The following DRC1 variants were observed in gnomAD, a reference collection of about 807,000 sequenced individuals.
The protein encoded by DRC1 is dynein regulatory complex subunit 1.
Under a neutral mutation model 98.7 loss-of-function variants are expected in DRC1, and 74 were observed. The observed-to-expected ratio is 0.75, with a 90% CI of 0.62 to 0.91. The LOEUF (loss-of-function observed/expected upper bound fraction) is 0.91. Among genes scored for constraint, DRC1 ranks in the 40% least tolerant of loss-of-function variants. The pLI is 0.00. For synonymous variants in DRC1, 336 were observed against 334.1 expected (o/e 1.01, Z -0.06); for missense variants, 875 against 886.0 (o/e 0.99, Z 0.16).
chr2:26,421,578 G>A (rs978558648), intron 3 of DRC1, among the ~76,000 whole-genome samples, 178 bp downstream of exon 3: 1 of 31,384 alleles, frequency 3.2e-5, no homozygotes, highest in African/African-American at 1.0e-4. Context: ...TTTTTTTTTT[G>A]AGACAGAGTT....
chr2:26,430,525 C>T (rs1451505661), intron 5 of DRC1: 4 of 559,384 alleles, frequency 7.2e-6, no homozygotes, highest in Non-Finnish European at 1.4e-5. Context: ...CTCCAGTTCC[C>T]TGCCTCTGAT....
intron 7 of DRC1, among the ~76,000 whole-genome samples, chr2:26,439,709 T>C (rs1368363479): frequency 9.9e-5 from 15 of 151,782 alleles, no homozygotes; most frequent in African/African-American, 3.6e-4. Flanking sequence ...GCAGAGTTAT[T>C]TGGACTTGAA....
At chr2:26,408,543 G>T (rs912449335) in intron 1 of DRC1, among the ~76,000 whole-genome samples, 1 of 152,146 alleles carries the variant, frequency 6.6e-6, no homozygotes, top group African/African-American at 2.4e-5. Context: ...GAGGCCAAGA[G>T]GGGTGGATAA....
chr2:26,448,895 G>C, intron 11 of DRC1, 92 bp downstream of exon 11: 1 of 1,328,044 alleles, frequency 7.5e-7, no homozygotes, highest in Non-Finnish European at 1.1e-6. Context: ...GGAGTCAGGA[G>C]TGGGCCAGTC....
At position 26,444,225 on chromosome 2, in the gene DRC1, G is replaced by A. The variant is rs771844801; in HGVS notation, c.1032G>A (p.Leu344=). The A allele has an allele frequency of 1.2e-5, 19 of 1,613,914 alleles. No individual in the cohort carries two copies. The highest frequency in any genetic ancestry group is 1.4e-5 in the Non-Finnish European group (17 of 1,180,052). Residue 344 remains leucine, a synonymous_variant, in exon 9 of 17, where the codon CTG becomes CTA. Coordinates refer to ENST00000288710, the MANE Select transcript of DRC1 (RefSeq NM_145038.5). ...KSQQKRKINR[L]HDILNNLRSK... ...AACCTTTTTCTCCTTCAACCAGCCTGCATGATATACTTAACAATCTGAGAT... is the reference window on the plus strand; with the variant it reads ...AACCTTTTTCTCCTTCAACCAGCCTACATGATATACTTAACAATCTGAGAT...
At chr2:26,416,332 G>T (rs900334837) in intron 2 of DRC1, among the ~76,000 whole-genome samples, 1 of 151,956 alleles carries the variant, frequency 6.6e-6, no homozygotes, top group Non-Finnish European at 1.5e-5. Context: ...GTAGAGACAG[G>T]GTTTTCCCCA....
At chr2:26,448,487 T>G in intron 10 of DRC1, 1 of 696,608 alleles carries the variant, frequency 1.4e-6, no homozygotes, top group Non-Finnish European at 2.7e-6. Flanking sequence ...GTTCTCCAGG[T>G]AGTCTCTGAT....
chr2:26,428,064 GA>G (rs1663331952), intron 4 of DRC1, among the ~76,000 whole-genome samples: 1 of 152,180 alleles, frequency 6.6e-6, no homozygotes, highest in African/African-American at 2.4e-5. Context: ...CAACTTTGCT[GA>G]ATTTAAGTTC....
chr2:26,437,292 G>C (rs1365281941), intron 7 of DRC1, among the ~76,000 whole-genome samples: 1 of 152,240 alleles, frequency 6.6e-6, no homozygotes, highest in African/African-American at 2.4e-5. Flanking sequence ...AAATGAGGCT[G>C]TGCTGTTGTT....
chr2:26,431,862 C>T (rs1258491187), intron 6 of DRC1, 22 bp from the exon 7 acceptor site: 2 of 1,612,786 alleles, frequency 1.2e-6, no homozygotes, highest in East Asian at 2.2e-5. Flanking sequence ...CTAACTTTTC[C>T]CTTGTCTTCC....
At chr2:26,406,813 C>CTTTTTTTT (rs5830010) in intron 1 of DRC1, among the ~76,000 whole-genome samples, 5 of 101,616 alleles carry the variant, frequency 4.9e-5, no homozygotes, top group Non-Finnish European at 7.4e-5. Flanking sequence ...TGTCACTTTC[C>CTTTTTTTT]TTTTTTTTTT....
rs117432544 is a variant in DRC1 at position 26,456,226 on chromosome 2, G to A, written c.2167-235G>A. Among the ~76,000 whole-genome samples the A allele has an allele frequency of 3.0e-4, 46 of 152,304 alleles. No individual in the cohort carries two copies. In the East Asian group the frequency reaches 8.1e-3, roughly 27 times the overall value. ...GAGGGGAAGACTGCAGAGAATGGAC[G>A]GGCGGGAGATGAAGAACGCTACCAG... On this transcript the variant is annotated intron_variant, in intron 16 of 16. Transcript: ENST00000288710.
chr2:26,419,663 G>A (rs540666562), intron 2 of DRC1, among the ~76,000 whole-genome samples: 1 of 152,270 alleles, frequency 6.6e-6, no homozygotes, highest in South Asian at 2.1e-4. Context: ...ACTCCTTGGT[G>A]TAGAAGTTTT....
intron 1 of DRC1, among the ~76,000 whole-genome samples, chr2:26,412,804 G>GTC (rs1363240834): frequency 6.6e-6 from 1 of 152,090 alleles, no homozygotes; most frequent in African/African-American, 2.4e-5. Context: ...TTCAGACAGA[G>GTC]TCTCGCTCTC....
In DRC1 at chr2:26,444,291, C is replaced by T; in HGVS notation, c.1098C>T (p.Asn366=). ...AKQIKQFQEE[N]QSLTSDYKRL... ...AAATAAAGCAGTTTCAGGAGGAGAACCAGTCTCTAACCTCGGACTACAAAC... is the reference window on the plus strand; with the variant it reads ...AAATAAAGCAGTTTCAGGAGGAGAATCAGTCTCTAACCTCGGACTACAAAC... The change falls in exon 9 of 17, where the codon AAC becomes AAT. Residue 366 remains asparagine (N), a synonymous_variant. Transcript: ENST00000288710. The T allele has an allele frequency of 1.9e-6, 3 of 1,614,182 alleles. No homozygotes were observed. The highest frequency in any genetic ancestry group is 2.5e-6 in the Non-Finnish European group (3 of 1,180,044).
chr2:26,424,369 A>T lies in DRC1; in HGVS notation c.455A>T (p.Glu152Val). ...EEGKQKRIPQ[E>V]LWEMLNTQQL... ...GGCAAGCAGAAGAGAATTCCCCAAG[A>T]GCTGTGGGAAATGCTCAATACCCAA... Residue 152 changes from glutamate to valine, a missense_variant, in exon 4 of 17, where the codon GAG becomes GTG. Coordinates refer to ENST00000288710, the MANE Select transcript of DRC1 (RefSeq NM_145038.5). 1 of 1,613,824 alleles carries T rather than the reference A, an allele frequency of 6.2e-7. No homozygotes were observed. The highest frequency in any genetic ancestry group is 8.5e-7 in the Non-Finnish European group (1 of 1,179,958).
In DRC1 at chr2:26,454,803, G is replaced by A; in HGVS notation, c.2063+13G>A. The A allele has an allele frequency of 1.2e-6, 2 of 1,614,024 alleles. No individual in the cohort carries two copies. The highest frequency in any genetic ancestry group is 1.7e-6 in the Non-Finnish European group (2 of 1,179,956). On this transcript the variant is annotated intron_variant, in intron 15 of 16. Coordinates refer to ENST00000288710, the MANE Select transcript of DRC1 (RefSeq NM_145038.5). This position sits in a 1 kb window ranked among gnomAD's most constrained non-coding sequence, Gnocchi z 5.2. The stretch of plus-strand genomic sequence containing the variant: ...TGGAGAAGTACCAGTAAGTGTGCAT[G>A]TCATGGAGCAGGAGGGTGCTGGCGG...
Position 26,431,866 on chromosome 2 carries a change from G to T in DRC1, c.766-18G>T. The T allele has an allele frequency of 6.2e-7, 1 of 1,613,044 alleles. No homozygotes were observed. The highest frequency in any genetic ancestry group is 1.1e-5 in the South Asian group (1 of 91,038). ...AAGGATGGTCCCTAACTTTTCCCTT[G>T]TCTTCCTGTGCCTTTAGCTGGAGTA... On this transcript the variant is annotated intron_variant, in intron 6 of 16. Coordinates refer to ENST00000288710, the MANE Select transcript of DRC1 (RefSeq NM_145038.5).
chr2:26,418,662 TTATATAAATTA>T lies in DRC1; in HGVS notation c.244-2625_244-2615del, dbSNP rs1558438251. On this transcript the variant is annotated intron_variant, in intron 2 of 16. Coordinates refer to ENST00000288710, the MANE Select transcript of DRC1 (RefSeq NM_145038.5). ...ATTTATATAATATATAAATTATATA[TTATATAAATTA>T]AATATAATTTATATTATATATAAAT... Among the ~76,000 whole-genome samples the T allele has an allele frequency of 3.6e-4, 32 of 89,848 alleles. 1 individual carries two copies. Among genetic ancestry groups the T allele is most frequent in the Non-Finnish European group, 5.9e-4 (29 of 49,264 alleles). The allele number at this position is 89,848 out of a possible 152,430, so 58.9% of individuals were successfully genotyped here. A position where few individuals can be genotyped will look rare whatever the true frequency, so the allele number is the denominator to read the frequency against.
Sources: gnomAD v4.1 joint callset for allele counts (sites outside exome capture counted in the v4.1 genomes callset) on GRCh38, gnomAD v4.1.1 for gene constraint, Gnocchi (gnomAD v3.1) non-coding constraint, MANE v1.5 for transcripts, NCBI Gene and HGNC (gene_info 2026-07-23, HGNC 2026-07-21) for gene names.